Variants in PSG11 observed in about 807,000 individuals in gnomAD.
PSG11 encodes pregnancy specific beta-1-glycoprotein 11, also known as pregnancy-specific beta-1-glycoprotein 11.
A neutral mutation model predicts 36.0 loss-of-function variants in PSG11; 42 were observed. That is an observed-to-expected ratio of 1.17 (90% CI 0.91 to 1.51). The LOEUF (loss-of-function observed/expected upper bound fraction) is 1.51. PSG11 is among the 40% of genes most tolerant of loss of function. PSG11 has a pLI of 0.00. For missense variants in PSG11, 558 were observed against 403.5 expected, an observed-to-expected ratio of 1.38 and a Z score of -3.28; for synonymous variants, 206 against 153.5, an observed-to-expected ratio of 1.34 and a Z score of -2.53.
At position 43,008,298 on chromosome 19, in the gene PSG11, A is replaced by C. The variant is rs370609197; in HGVS notation, c.*41-256T>G. ...TTTTTTTAAATTTTTTTTGAGATGGAGTCTCACTCTGTCATCCAGACTGGA... is the reference window on the plus strand; with the variant it reads ...TTTTTTTAAATTTTTTTTGAGATGGCGTCTCACTCTGTCATCCAGACTGGA... On this transcript the variant is annotated intron_variant, in intron 5 of 5. Transcript: ENST00000320078. 1.4e-4 allele frequency among the ~76,000 whole-genome samples: 21 copies of C among 151,336 alleles called. 3 individuals carry two copies. In the South Asian group the frequency reaches 4.0e-3, roughly 29 times the overall value.
chr19:43,021,188 A>G (rs910382301), intron 2 of PSG11, among the ~76,000 whole-genome samples: 2 of 151,358 alleles, frequency 1.3e-5, no homozygotes, highest in Non-Finnish European at 2.9e-5. Context: ...AAAACAAAAT[A>G]TTAAATATGA....
Position 43,024,241 on chromosome 19 carries a change from C to G in PSG11, c.430+450G>C, listed in dbSNP as rs114192414. The stretch of plus-strand genomic sequence containing the variant: ...TAAGCCCTGCCCAAGAAGCCACAAC[C>G]CAGCCCTGGAACAGGCTCCTCAGCT... On this transcript the variant is annotated intron_variant, in intron 2 of 5. Transcript: ENST00000320078. Among the ~76,000 whole-genome samples the G allele has an allele frequency of 9.7e-3, 1,467 of 151,466 alleles. 70 individuals are homozygous for G. The highest frequency in any genetic ancestry group is 0.035 in the African/African-American group (1,419 of 41,114).
intron 5 of PSG11, among the ~76,000 whole-genome samples, chr19:43,008,856 G>A (rs957304739): frequency 1.3e-5 from 2 of 151,050 alleles, no homozygotes; most frequent in Admixed American, 1.3e-4. Flanking sequence ...TCTACCTATT[G>A]CAACAAGAGT....
intron 4 of PSG11, chr19:43,014,720 C>T: frequency 1.7e-6 from 2 of 1,203,834 alleles, no homozygotes; most frequent in Non-Finnish European, 1.1e-6. Flanking sequence ...GAGCTTGTTT[C>T]AAAGCCTCAG....
intron 4 of PSG11, among the ~76,000 whole-genome samples, chr19:43,013,109 T>G (rs572844351): frequency 2.6e-5 from 4 of 151,446 alleles, no homozygotes; most frequent in African/African-American, 9.7e-5. Context: ...CCTAACACCA[T>G]GTACAAAAAT....
At chr19:43,010,220 A>C (rs752572296) in intron 4 of PSG11, 179 bp from the exon 5 acceptor site, 120 of 1,451,792 alleles carry the variant, frequency 8.3e-5, no homozygotes, top group Middle Eastern at 2.5e-4. Context: ...CCCTCTCACC[A>C]TGTTTCTCAG....
At chr19:43,024,013 T>C (rs1967171560) in intron 2 of PSG11, among the ~76,000 whole-genome samples, 1 of 151,426 alleles carries the variant, frequency 6.6e-6, no homozygotes, top group South Asian at 2.1e-4. Flanking sequence ...TCTGAGGACA[T>C]TAGACTTTCT....
chr19:43,008,211 C>T (rs1973978599), intron 5 of PSG11, 169 bp from the exon 6 acceptor site: 3 of 226,224 alleles, frequency 1.3e-5, no homozygotes, highest in African/African-American at 2.3e-5. Flanking sequence ...ACTTCTGTGG[C>T]TTATGACACT....
At position 43,019,061 on chromosome 19, in the gene PSG11, CAG is replaced by C. The variant is rs781473280; in HGVS notation, c.431-15_431-14del. 9.1e-5 allele frequency: 146 copies of C among 1,608,348 alleles called. 1 individual carries two copies. The highest frequency in any genetic ancestry group is 1.1e-4 in the Non-Finnish European group (134 of 1,177,126). On this transcript the variant is annotated splice_polypyrimidine_tract_variant and intron_variant, in intron 2 of 5. Coordinates refer to ENST00000320078, the MANE Select transcript of PSG11 (RefSeq NM_002785.3). ...TTGGGAGTCTCCACTGTGCAGAAAA[CAG>C]AGAGAAGATTGCCCTGTGTGGCACC... is the stretch of plus-strand genomic sequence containing the variant.
At position 43,025,015 on chromosome 19, in the gene PSG11, C is replaced by G. The variant is rs754756634; in HGVS notation, c.106G>C (p.Val36Leu). The G allele has an allele frequency of 1.2e-6, 2 of 1,610,982 alleles. No homozygotes were observed. Among genetic ancestry groups the G allele is most frequent in the Non-Finnish European group, 8.5e-7 (1 of 1,178,414 alleles). ...NFWNLPTTAQ[V>L]MIEAQPPKVS... ...TTGGGTGGCTGGGCTTCAATCATGA[C>G]TTGGGCAGTGGTAGGCAAGTTCCAG... Residue 36 changes from valine (V) to leucine (L), a missense_variant, in exon 2 of 6, where the codon GTC becomes CTC. Val to Leu is a conservative substitution (Grantham distance 32). Coordinates refer to ENST00000320078, the MANE Select transcript of PSG11 (RefSeq NM_002785.3).
At chr19:43,014,453 G>A in intron 4 of PSG11, 3 of 966,850 alleles carry the variant, frequency 3.1e-6, no homozygotes, top group Non-Finnish European at 3.7e-6. Flanking sequence ...ACGCAGCTCA[G>A]GAGTCTGCCC....
chr19:43,017,551 T>C (rs1966997269), intron 3 of PSG11: 1 of 151,608 alleles, frequency 6.6e-6, no homozygotes, highest in African/African-American at 2.4e-5. Context: ...CACCTTTTCA[T>C]GGTTGCATCT....
intron 1 of PSG11, among the ~76,000 whole-genome samples, chr19:43,025,936 CT>C (rs1195259262): frequency 0.016 from 1,100 of 68,166 alleles, 1 homozygote; most frequent in African/African-American, 0.038. Flanking sequence ...TTTTTTTTCT[CT>C]TTTTTTTTTT....
At chr19:43,024,251 A>T (rs1031855050) in intron 2 of PSG11, among the ~76,000 whole-genome samples, 4 of 151,364 alleles carry the variant, frequency 2.6e-5, no homozygotes, top group African/African-American at 9.8e-5. Flanking sequence ...CCAGCCCTGG[A>T]ACAGGCTCCT....
In PSG11 at chr19:43,024,991, T is replaced by C; in HGVS notation, c.130A>G (p.Lys44Glu). ...AGAACATCCTTCCCCTCGGACACTT[T>C]GGGTGGCTGGGCTTCAATCATGACT... Reference protein sequence around the residue: ...AQVMIEAQPPKVSEGKDVLLL... With the variant: ...AQVMIEAQPPEVSEGKDVLLL... The change falls in exon 2 of 6, where the codon AAA (lysine) becomes GAA (glutamate). Residue 44 changes from lysine (K) to glutamate (E), a missense_variant. Coordinates refer to ENST00000320078, the MANE Select transcript of PSG11 (RefSeq NM_002785.3). 2 of 1,611,188 alleles carry C rather than the reference T, an allele frequency of 1.2e-6. No homozygotes were observed. Among genetic ancestry groups the C allele is most frequent in the Non-Finnish European group, 1.7e-6 (2 of 1,178,550 alleles).
Position 43,025,972 on chromosome 19 carries a change from C to T in PSG11, c.64+337G>A, listed in dbSNP as rs1255400464. Among the ~76,000 whole-genome samples the T allele has an allele frequency of 7.2e-5, 7 of 97,570 alleles. 1 individual carries two copies. Among genetic ancestry groups the T allele is most frequent in the Non-Finnish European group, 1.1e-4 (6 of 54,780 alleles). 64.0% of individuals were successfully genotyped at this position (97,570 alleles called of 152,430 possible). ...TTTTTTTTTTTTTGAGATGGAGTCT[C>T]GTACTGTCACCCAGCCTGGCGTGCA... On this transcript the variant is annotated intron_variant, in intron 1 of 5. Transcript: ENST00000320078.
rs1158700509 is a variant in PSG11, at chr19:43,007,838, CA to C, written c.*244del. ...GGATAAAACATTCAAAAAATCAGCA[CA>C]TTTTCCAATAAAAAATTATGAAAAC... On this transcript the variant is annotated 3_prime_UTR_variant, in exon 6 of 6. Transcript: ENST00000320078. The C allele has an allele frequency of 1.0e-3, 326 of 314,070 alleles. 1 individual carries two copies. The highest frequency in any genetic ancestry group is 2.6e-4 in the Non-Finnish European group (42 of 162,382). 19.5% of individuals were successfully genotyped at this position (314,070 alleles called of 1,614,324 possible).
At chr19:43,023,449 A>T (rs901832495) in intron 2 of PSG11, among the ~76,000 whole-genome samples, 2 of 150,750 alleles carry the variant, frequency 1.3e-5, no homozygotes, top group African/African-American at 4.9e-5. Flanking sequence ...GGAAACACAG[A>T]GTTTCAGGTT....
intron 4 of PSG11, among the ~76,000 whole-genome samples, chr19:43,012,695 TAGG>T (rs957556097): frequency 1.3e-4 from 20 of 151,604 alleles, no homozygotes; most frequent in Admixed American, 7.3e-4. Flanking sequence ...TCAATATTGT[TAGG>T]AGGACAGTGC....
Sources: allele counts gnomAD v4.1 joint callset (sites outside exome capture counted in the v4.1 genomes callset), GRCh38; gene constraint gnomAD v4.1.1; transcripts MANE v1.5; gene names NCBI Gene and HGNC (gene_info 2026-07-23, HGNC 2026-07-21).